THEMIS: variants seen among roughly 807,000 people sequenced by gnomAD.
THEMIS encodes the protein thymocyte selection associated, also known as protein THEMIS.
A neutral mutation model predicts 52.6 loss-of-function variants in THEMIS; 37 were observed. That is an observed-to-expected ratio of 0.70 (90% CI 0.54 to 0.93). The LOEUF is 0.93. THEMIS is among the 40% of genes least tolerant of loss of function. The pLI is 0.00. For synonymous variants in THEMIS, 292 were observed against 272.7 expected (o/e 1.07, Z -0.70); for missense variants, 808 against 763.1 (o/e 1.06, Z -0.69).
intron 4 of THEMIS, among the ~76,000 whole-genome samples, chr6:127,789,144 A>G (rs1562258981): frequency 6.6e-6 from 1 of 152,090 alleles, no homozygotes; most frequent in Non-Finnish European, 1.5e-5. Context: ...CAGACTAATA[A>G]AGAAGAGAGA....
chr6:127,720,759 C>G (rs1398220168), intron 4 of THEMIS, among the ~76,000 whole-genome samples: 5 of 151,852 alleles, frequency 3.3e-5, no homozygotes, highest in Non-Finnish European at 7.4e-5. Context: ...TTGAGAAAGG[C>G]CAATAAGGAA....
intron 3 of THEMIS, among the ~76,000 whole-genome samples, chr6:127,816,763 C>T (rs1292852323): frequency 2.6e-5 from 4 of 152,176 alleles, no homozygotes; most frequent in African/African-American, 7.2e-5. Flanking sequence ...AGTCCTTTCA[C>T]TTAGTATAAA....
intron 4 of THEMIS, among the ~76,000 whole-genome samples, chr6:127,731,054 C>T (rs765442592): frequency 1.3e-5 from 2 of 152,152 alleles, no homozygotes; most frequent in Non-Finnish European, 2.9e-5. Flanking sequence ...TAAAACTTTG[C>T]TTCTATAAAT....
At position 127,813,939 on chromosome 6, in the gene THEMIS, GA is replaced by G. The variant is rs1252609431; in HGVS notation, c.710-9del. On this transcript the variant is annotated splice_polypyrimidine_tract_variant and intron_variant, in intron 3 of 5. Transcript: ENST00000368248. ...GGATTATATCTTTTCGAACTAAAAA[GA>G]AAAAATAAATCACTATGATATTTTT... 7 of 1,520,956 alleles carry G rather than the reference GA, an allele frequency of 4.6e-6. No homozygotes were observed. In the East Asian group the frequency reaches 1.6e-4, roughly 35 times the overall value. The allele number at this position is 1,520,956 out of a possible 1,614,324, so 94.2% of individuals were successfully genotyped here.
chr6:127,909,102 C>T (rs1319893463), intron 1 of THEMIS, among the ~76,000 whole-genome samples: 1 of 151,922 alleles, frequency 6.6e-6, no homozygotes, highest in Non-Finnish European at 1.5e-5. Context: ...TACAAATTAT[C>T]TAGTTTAGTA....
chr6:127,851,758 C>G (rs1263367804), intron 2 of THEMIS, among the ~76,000 whole-genome samples: 1 of 151,658 alleles, frequency 6.6e-6, no homozygotes, highest in African/African-American at 2.4e-5. Flanking sequence ...CAAAATTGTA[C>G]AGCTACTTTG....
chr6:127,825,582 G>A (rs1196663158), intron 3 of THEMIS, among the ~76,000 whole-genome samples: 1 of 152,164 alleles, frequency 6.6e-6, no homozygotes, highest in African/African-American at 2.4e-5. Context: ...GATAGAGGGA[G>A]TTATTTGATT....
intron 4 of THEMIS, among the ~76,000 whole-genome samples, chr6:127,750,448 G>A (rs1024154075): frequency 6.6e-6 from 1 of 151,470 alleles, no homozygotes; most frequent in African/African-American, 2.4e-5. Flanking sequence ...AAGAAAACAC[G>A]AACCAACTCA....
Position 127,875,283 on chromosome 6 carries a change from A to G in THEMIS, c.92-20095T>C, listed in dbSNP as rs1004172622. On this transcript the variant is annotated intron_variant, in intron 1 of 5. Transcript: ENST00000368248. Reference sequence around the variant, plus strand: ...AAAGAGTTTATTTTGTTTAACTTAAATAAATGTGTGTATGTGTGCAACTTT... The same window carrying G: ...AAAGAGTTTATTTTGTTTAACTTAAGTAAATGTGTGTATGTGTGCAACTTT... Among the ~76,000 whole-genome samples the G allele has an allele frequency of 2.6e-5, 4 of 152,316 alleles. No homozygotes were observed. In the South Asian group the frequency reaches 8.3e-4, roughly 32 times the overall value.
At chr6:127,813,953 C>G in intron 3 of THEMIS, 22 bp from the exon 4 acceptor site, 1 of 1,507,666 alleles carries the variant, frequency 6.6e-7, no homozygotes. Flanking sequence ...AAATAAATCA[C>G]TATGATATTT....
intron 2 of THEMIS, among the ~76,000 whole-genome samples, chr6:127,840,071 A>C (rs1778996081): frequency 6.6e-6 from 1 of 152,108 alleles, no homozygotes; most frequent in African/African-American, 2.4e-5. Flanking sequence ...ACCCTCAAAA[A>C]AGCAGTTAGA....
intron 5 of THEMIS, among the ~76,000 whole-genome samples, chr6:127,713,081 G>A (rs1013466084): frequency 6.6e-6 from 1 of 151,862 alleles, no homozygotes; most frequent in South Asian, 2.1e-4. Context: ...CTTTTAGGAT[G>A]CAACTTGATT....
At chr6:127,847,232 G>T (rs1443283760) in intron 2 of THEMIS, among the ~76,000 whole-genome samples, 1 of 151,926 alleles carries the variant, frequency 6.6e-6, no homozygotes, top group South Asian at 2.1e-4. Context: ...ATAAGACAAG[G>T]ATGCCAACTT....
chr6:127,915,332 T>G (rs1781498852), intron 1 of THEMIS, among the ~76,000 whole-genome samples: 1 of 152,210 alleles, frequency 6.6e-6, no homozygotes, highest in African/African-American at 2.4e-5. Context: ...TATGTAATTA[T>G]GGGCTAAAAT....
chr6:127,780,939 G>C (rs1194774872), intron 4 of THEMIS, among the ~76,000 whole-genome samples: 1 of 152,106 alleles, frequency 6.6e-6, no homozygotes, highest in Non-Finnish European at 1.5e-5. Flanking sequence ...ATGTTGGCCT[G>C]TCTTGCTAGG....
chr6:127,796,462 C>T (rs563480091), intron 4 of THEMIS, among the ~76,000 whole-genome samples: 16 of 152,218 alleles, frequency 1.1e-4, no homozygotes, highest in East Asian at 5.8e-4. Context: ...CTTATGCAGT[C>T]GGAATGCCTG....
At chr6:127,836,578 G>A (rs1333597693) in intron 2 of THEMIS, among the ~76,000 whole-genome samples, 1 of 152,184 alleles carries the variant, frequency 6.6e-6, no homozygotes, top group East Asian at 1.9e-4. Flanking sequence ...TTAAATGAAT[G>A]TCAGGGCTTA....
intron 4 of THEMIS, among the ~76,000 whole-genome samples, chr6:127,773,212 A>G (rs1776445832): frequency 6.6e-6 from 1 of 152,200 alleles, no homozygotes; most frequent in African/African-American, 2.4e-5. Context: ...ACAGTCTCAT[A>G]TAATTAAACT....
At chr6:127,700,582 G>C in the THEMIS span, among the ~76,000 whole-genome samples, 14 of 151,902 alleles carry the variant, frequency 9.2e-5, no homozygotes, top group Admixed American at 3.9e-4. Flanking sequence ...TGAAGAAAAT[G>C]TACTTCTTAT....
Sources: allele counts gnomAD v4.1 joint callset (sites outside exome capture counted in the v4.1 genomes callset), GRCh38; gene constraint gnomAD v4.1.1; transcripts MANE v1.5; gene names NCBI Gene and HGNC (gene_info 2026-07-23, HGNC 2026-07-21).